CROCC2: variants seen among roughly 807,000 people sequenced by gnomAD.
The protein encoded by CROCC2 is ciliary rootlet coiled-coil protein 2.
Under a neutral mutation model 177.6 loss-of-function variants are expected in CROCC2, and 163 were observed. The ratio of observed to expected loss-of-function variants is 0.92; its 90% CI spans 0.81 to 1.05. The LOEUF (loss-of-function observed/expected upper bound fraction) is 1.05, where lower values mean the gene tolerates loss of function less well. CROCC2 is among the 50% of genes least tolerant of loss of function. The probability of loss-of-function intolerance (pLI) is 0.00; values close to 1 mark genes in which losing one functional copy is unlikely to be tolerated. For synonymous variants in CROCC2, 904 were observed against 787.3 expected, an observed-to-expected ratio of 1.15 and a Z score of -2.48; for missense variants, 1,929 against 1,797.8, an observed-to-expected ratio of 1.07 and a Z score of -1.32.
rs552146857 is a variant in CROCC2, at chr2:240,933,786, T to C, written c.1580T>C (p.Leu527Pro). 3.9e-6 allele frequency: 6 copies of C among 1,549,174 alleles called. No individual in the cohort carries two copies. The East Asian group carries it at 1.5e-4, about 38-fold the overall frequency. Residue 527 changes from leucine (L) to proline (P), a missense_variant, in exon 11 of 32, where the codon CTG (leucine) becomes CCG (proline). Physicochemically the swap from Leu to Pro is moderately conservative, Grantham distance 98. Around this residue, in one of 3 missense-constraint regions of CROCC2, gnomAD observed 1,397 missense variants for 1,239.9 expected, o/e 1.13. Transcript: ENST00000690015. ...GCAGAGCTGCAGAGAAGCCTCCTGCTGCAGGCAGAGCGGAGGGAGGAGCTG... is the reference window on the plus strand; with the variant it reads ...GCAGAGCTGCAGAGAAGCCTCCTGCCGCAGGCAGAGCGGAGGGAGGAGCTG... ...EAAELQRSLL[L>P]QAERREELAL...
intron 14 of CROCC2, among the ~76,000 whole-genome samples, chr2:240,938,476 T>G (rs967173292): frequency 6.6e-6 from 1 of 152,250 alleles, no homozygotes; most frequent in East Asian, 1.9e-4. Context: ...TTTTAGTAAG[T>G]CTTGAAATTG....
At chr2:240,956,973 T>C (rs2059595274) in intron 19 of CROCC2, among the ~76,000 whole-genome samples, 1 of 152,020 alleles carries the variant, frequency 6.6e-6, no homozygotes, top group African/African-American at 2.4e-5. Context: ...TACAGCAGGA[T>C]CTCCAAGGGC....
Position 240,925,884 on chromosome 2 carries a change from C to A in CROCC2, c.645+4C>A. 1 of 709,274 alleles carries A rather than the reference C, an allele frequency of 1.4e-6. No individual in the cohort carries two copies. The highest frequency in any genetic ancestry group is 2.6e-6 in the Non-Finnish European group (1 of 381,618). The allele number at this position is 709,274 out of a possible 1,614,324, so 43.9% of individuals were successfully genotyped here. Reference sequence around the variant, plus strand: ...GAGGCGCTGGGCCCAGAGACAGGTGCTCCCCCAACCCTTGCTCACCTCATG... The same window carrying A: ...GAGGCGCTGGGCCCAGAGACAGGTGATCCCCCAACCCTTGCTCACCTCATG... On this transcript the variant is annotated splice_donor_region_variant and intron_variant, in intron 5 of 31. Coordinates refer to ENST00000690015, the MANE Select transcript of CROCC2 (RefSeq NM_001351305.2).
chr2:240,963,450 CA>C, intron 20 of CROCC2, 105 bp from the exon 21 acceptor site: 1 of 1,213,320 alleles, frequency 8.2e-7, no homozygotes, highest in Non-Finnish European at 1.1e-6. Flanking sequence ...CCAAGTTGGG[CA>C]GGGCACCTGT....
In CROCC2 at chr2:240,946,223, G is replaced by C. The variant is rs537774664; in HGVS notation, c.2333G>C (p.Arg778Pro). The C allele has an allele frequency of 5.7e-4, 876 of 1,540,154 alleles. 2 individuals are homozygous for C. Among genetic ancestry groups the C allele is most frequent in the East Asian group, 5.2e-3 (211 of 40,578 alleles). The stretch of plus-strand genomic sequence containing the variant: ...CAGGAGGCCTTGGAGAGGCAGGGCC[G>C]GCTCGCAGCTGAAGAGGCAGCTGAT... ...AKQEALERQG[R>P]LAAEEAADLR... Residue 778 changes from arginine (R) to proline (P), a missense_variant, in exon 15 of 32, where the codon CGG becomes CCG. Physicochemically the swap from Arg to Pro is moderately radical, Grantham distance 103 (BLOSUM62 -2). Coordinates refer to ENST00000690015, the MANE Select transcript of CROCC2 (RefSeq NM_001351305.2).
At chr2:240,941,467 G>A (rs1267159199) in intron 14 of CROCC2, among the ~76,000 whole-genome samples, 1 of 152,088 alleles carries the variant, frequency 6.6e-6, no homozygotes, top group East Asian at 1.9e-4. Context: ...GCATGGTACT[G>A]GTATAAAAAT....
At position 240,983,015 on chromosome 2, in the gene CROCC2, G is replaced by C; in HGVS notation, c.4537G>C (p.Glu1513Gln). 6.5e-7 allele frequency: 1 copy of C among 1,550,254 alleles called. No individual in the cohort carries two copies. The highest frequency in any genetic ancestry group is 8.7e-7 in the Non-Finnish European group (1 of 1,146,890). ...GTGCCAGAAGGCTGAGGTATCGCTG[G>C]AGCCCCTGCGACAGGTGAGGGTGAC... Reference protein sequence around the residue: ...HRCQKAEVSLEPLRQMEQETL... With the variant: ...HRCQKAEVSLQPLRQMEQETL... Residue 1513 changes from glutamate to glutamine, a missense_variant, in exon 28 of 32, where the codon GAG becomes CAG. Glu to Gln is a conservative substitution (Grantham distance 29). Transcript: ENST00000690015.
chr2:240,959,086 C>A (rs1208413203), intron 19 of CROCC2: 4 of 546,712 alleles, frequency 7.3e-6, no homozygotes, highest in Non-Finnish European at 1.3e-5. Flanking sequence ...CACATCACAG[C>A]TGTCAGGGGC....
At chr2:240,991,820 G>A (rs369552092) in intron 31 of CROCC2, among the ~76,000 whole-genome samples, 5 of 152,310 alleles carry the variant, frequency 3.3e-5, no homozygotes, top group East Asian at 1.9e-4. Flanking sequence ...CTGTAAACAC[G>A]GGAAAACACG....
chr2:240,983,616 G>C (rs1038016826), intron 28 of CROCC2: 24 of 1,284,928 alleles, frequency 1.9e-5, no homozygotes, highest in Non-Finnish European at 2.4e-5. Flanking sequence ...GGAAGGAGGA[G>C]CTCCTGGCTG....
intron 14 of CROCC2, among the ~76,000 whole-genome samples, chr2:240,939,625 T>C (rs759627396): frequency 5.3e-5 from 8 of 152,166 alleles, no homozygotes; most frequent in Non-Finnish European, 1.0e-4. Flanking sequence ...GGGGTTTTCT[T>C]TGTGAGAAAG....
chr2:240,912,580 C>T (rs184064450), intron 1 of CROCC2, among the ~76,000 whole-genome samples: 26 of 152,352 alleles, frequency 1.7e-4, no homozygotes, highest in Admixed American at 1.6e-3. Context: ...CCCCTGGGCA[C>T]ACCAACCACC....
chr2:240,975,807 G>A (rs920408673), intron 27 of CROCC2, among the ~76,000 whole-genome samples: 11 of 139,074 alleles, frequency 7.9e-5, no homozygotes, highest in Non-Finnish European at 1.7e-4. Flanking sequence ...TTGGTTCACT[G>A]CAACCTCTGC....
At position 240,958,797 on chromosome 2, in the gene CROCC2, C is replaced by A. The variant is rs906328057; in HGVS notation, c.2944-504C>A. Among the ~76,000 whole-genome samples the A allele has an allele frequency of 6.6e-6, 1 of 152,176 alleles. No homozygotes were observed. Among genetic ancestry groups the A allele is most frequent in the Non-Finnish European group, 1.5e-5 (1 of 68,016 alleles). ...GAAGCGGGGTGGTGTCCCGAGGGGC[C>A]TGGGGCTTGGGGTGAAGAAGGTGGT... On this transcript the variant is annotated intron_variant, in intron 19 of 31. Transcript: ENST00000690015. The surrounding 1 kb of genome is among the most constrained non-coding windows in gnomAD (Gnocchi z 6.7).
chr2:240,919,891 C>G (rs1312096435), intron 2 of CROCC2, 92 bp from the exon 3 acceptor site: 67 of 517,546 alleles, frequency 1.3e-4, no homozygotes, highest in East Asian at 3.0e-4. Context: ...AGCCTGGTGG[C>G]CAGCCCAGGG....
chr2:240,948,390 ACCCTGACCT>A (rs2059535453), intron 15 of CROCC2, among the ~76,000 whole-genome samples: 1 of 152,110 alleles, frequency 6.6e-6, no homozygotes, highest in African/African-American at 2.4e-5. Flanking sequence ...CCCATGGCCC[ACCCTGACCT>A]CATCTGTTTG....
intron 19 of CROCC2, among the ~76,000 whole-genome samples, chr2:240,956,956 C>T (rs1044508789): frequency 2.2e-4 from 34 of 152,160 alleles, no homozygotes; most frequent in Non-Finnish European, 8.8e-5. Flanking sequence ...GACATAGATG[C>T]AGGAGTTACA....
intron 1 of CROCC2, among the ~76,000 whole-genome samples, chr2:240,912,962 C>T (rs1419783926): frequency 2.0e-5 from 3 of 152,188 alleles, no homozygotes; most frequent in Admixed American, 1.3e-4. Flanking sequence ...CGGTGCCCGT[C>T]GCTGAGCTCC....
In CROCC2 at chr2:240,982,570, AC is replaced by A. The variant is rs1436515444; in HGVS notation, c.4402-309del. On this transcript the variant is annotated intron_variant, in intron 27 of 31. Transcript: ENST00000690015. This position sits in a 1 kb window ranked among gnomAD's most constrained non-coding sequence, Gnocchi z 4.7. ...AGGCTGGAGGCAGGGCAGGGATGCC[AC>A]TGATGTGCCCTCTGAGACCACTGGC... The A allele has an allele frequency of 4.1e-6, 1 of 244,464 alleles. No homozygotes were observed. The highest frequency in any genetic ancestry group is 2.3e-5 in the African/African-American group (1 of 44,432). The allele number at this position is 244,464 out of a possible 1,614,324, so 15.1% of individuals were successfully genotyped here.
Sources: gnomAD v4.1 joint callset for allele counts (sites outside exome capture counted in the v4.1 genomes callset) on GRCh38, gnomAD v4.1.1 for gene constraint, gnomAD v4.1.1 regional missense constraint, Gnocchi (gnomAD v3.1) non-coding constraint, MANE v1.5 for transcripts, NCBI Gene and HGNC (gene_info 2026-07-23, HGNC 2026-07-21) for gene names.